The following DTNB variants were observed in gnomAD, a reference collection of about 807,000 sequenced individuals.
DTNB encodes the protein dystrobrevin beta.
DTNB carries 63 observed loss-of-function variants against 90.7 expected under a neutral mutation model. That is an observed-to-expected ratio of 0.69 (90% CI 0.57 to 0.86). The LOEUF (loss-of-function observed/expected upper bound fraction) is 0.86. Ranked by LOEUF, DTNB falls within the 40% of genes least tolerant of loss-of-function variation. The pLI is 0.00. For missense variants in DTNB, 744 were observed against 807.1 expected (o/e 0.92, Z 0.95); for synonymous variants, 277 against 286.7 (o/e 0.97, Z 0.34).
chr2:25,384,313 T>A (rs2038830769), intron 18 of DTNB, among the ~76,000 whole-genome samples: 2 of 152,104 alleles, frequency 1.3e-5, no homozygotes, highest in Admixed American at 6.5e-5. Context: ...AAAAAAAAAA[T>A]TCCGTATGTT....
chr2:25,440,774 T>A (rs1010055580), intron 12 of DTNB, among the ~76,000 whole-genome samples: 3 of 152,238 alleles, frequency 2.0e-5, no homozygotes, highest in Admixed American at 6.5e-5. Flanking sequence ...TTTGACACAT[T>A]TGCTTCATCT....
chr2:25,642,463 G>A (rs996460535), intron 2 of DTNB, among the ~76,000 whole-genome samples: 1 of 151,278 alleles, frequency 6.6e-6, no homozygotes, highest in African/African-American at 2.4e-5. Flanking sequence ...TGCCCAAGCT[G>A]GAATGCAGTG....
chr2:25,575,587 T>G (rs117237058), intron 8 of DTNB, among the ~76,000 whole-genome samples: 1 of 152,114 alleles, frequency 6.6e-6, no homozygotes, highest in Non-Finnish European at 1.5e-5. Context: ...TAGATGTGGG[T>G]TGAAGTTTGT....
intron 8 of DTNB, among the ~76,000 whole-genome samples, chr2:25,538,185 T>A (rs918182181): frequency 6.6e-6 from 1 of 152,034 alleles, no homozygotes; most frequent in African/African-American, 2.4e-5. Context: ...GAGTTCGTGA[T>A]CAGCCTGGGC....
intron 9 of DTNB, chr2:25,497,691 TG>T (rs1298884930): frequency 2.0e-5 from 3 of 152,224 alleles, no homozygotes; most frequent in African/African-American, 7.2e-5. Flanking sequence ...CAGGCTCTGA[TG>T]GATGTCTCTG....
At chr2:25,531,411 CAGG>C in intron 9 of DTNB, 59 bp downstream of exon 9, 1 of 1,561,114 alleles carries the variant, frequency 6.4e-7, no homozygotes, top group Non-Finnish European at 8.7e-7. Flanking sequence ...TTTTGATCCA[CAGG>C]AATTTCACAA....
In DTNB at chr2:25,388,324, TG is replaced by T; in HGVS notation, c.1612del (p.His538MetfsTer28). On this transcript the variant is annotated frameshift_variant, in exon 17 of 21. Coordinates refer to ENST00000406818, the MANE Select transcript of DTNB (RefSeq NM_021907.5). LOFTEE classifies it high-confidence loss of function. ...CATGGGCATTGGCCGGCCGCCTCCA[TG>T]GGTGGGCGATGTATGTGGTGACCCT... is the stretch of plus-strand genomic sequence containing the variant. Reference protein sequence around the residue: ...ATGSPHTSPTHGGGRPMPMPV... With the variant: ...ATGSPHTSPTXGGGRPMPMPV... 6.2e-7 allele frequency: 1 copy of T among 1,613,002 alleles called. No individual in the cohort carries two copies. The highest frequency in any genetic ancestry group is 8.5e-7 in the Non-Finnish European group (1 of 1,179,294).
intron 9 of DTNB, among the ~76,000 whole-genome samples, chr2:25,512,155 G>C (rs1433321295): frequency 6.6e-6 from 1 of 152,088 alleles, no homozygotes; most frequent in Non-Finnish European, 1.5e-5. Context: ...ACCTTATCTT[G>C]ACTTCCAGGA....
chr2:25,643,999 T>C (rs1431449696), intron 2 of DTNB, among the ~76,000 whole-genome samples: 15 of 152,174 alleles, frequency 9.9e-5, no homozygotes, highest in Admixed American at 9.8e-4. Context: ...CTCACTGCTA[T>C]ACTCCCACCA....
chr2:25,625,551 ATTTTTTTTTTTTT>A lies in DTNB; in HGVS notation c.362+2607_362+2619del, dbSNP rs66586812. ...ACCCCTTACTCTTCTTAACTCACTC[ATTTTTTTTTTTTT>A]TTTTTTTTTTTGCTAGTTATTTTCG... is the stretch of plus-strand genomic sequence containing the variant. On this transcript the variant is annotated intron_variant, in intron 4 of 20. Coordinates refer to ENST00000406818, the MANE Select transcript of DTNB (RefSeq NM_021907.5). Among the ~76,000 whole-genome samples the A allele has an allele frequency of 4.1e-5, 3 of 73,962 alleles. No homozygotes were observed. In the South Asian group the frequency reaches 1.7e-3, roughly 41 times the overall value. The allele number at this position is 73,962 out of a possible 152,430, so 48.5% of individuals were successfully genotyped here.
intron 5 of DTNB, 90 bp from the exon 6 acceptor site, chr2:25,596,330 G>A (rs2148407787): frequency 7.5e-7 from 1 of 1,331,438 alleles, no homozygotes; most frequent in Non-Finnish European, 1.0e-6. Flanking sequence ...CAAACAAAAA[G>A]TATCATTAAA....
chr2:25,440,189 AAC>A (rs2057049973), intron 12 of DTNB, among the ~76,000 whole-genome samples: 1 of 152,234 alleles, frequency 6.6e-6, no homozygotes, highest in Non-Finnish European at 1.5e-5. Context: ...TCCTGTGGAA[AAC>A]ACAGCTTGCG....
Position 25,607,270 on chromosome 2 carries a change from G to A in DTNB, c.414C>T (p.Thr138=). 4 of 1,607,396 alleles carry A rather than the reference G, an allele frequency of 2.5e-6. No homozygotes were observed. Among genetic ancestry groups the A allele is most frequent in the Non-Finnish European group, 3.4e-6 (4 of 1,176,810 alleles). ...TVFSVKAMLA[T]MCGGKMLDKL... ...TGTCCAGCATTTTTCCACCACACATGGTTGCTAACATAGCTTTAACTGAAA... is the reference window on the plus strand; with the variant it reads ...TGTCCAGCATTTTTCCACCACACATAGTTGCTAACATAGCTTTAACTGAAA... Residue 138 remains threonine (T), a synonymous_variant, in exon 5 of 21, where the codon ACC becomes ACT. Coordinates refer to ENST00000406818, the MANE Select transcript of DTNB (RefSeq NM_021907.5).
chr2:25,585,197 C>G (rs1362015907), intron 6 of DTNB, among the ~76,000 whole-genome samples: 1 of 152,072 alleles, frequency 6.6e-6, no homozygotes, highest in Non-Finnish European at 1.5e-5. Flanking sequence ...CTCTATTTCC[C>G]TCCAGATGTA....
chr2:25,397,939 A>G (rs976910826), intron 16 of DTNB, among the ~76,000 whole-genome samples: 1 of 151,924 alleles, frequency 6.6e-6, no homozygotes, highest in South Asian at 2.1e-4. Context: ...TCACTGTAAG[A>G]CAGATGGCCC....
intron 4 of DTNB, among the ~76,000 whole-genome samples, chr2:25,611,271 G>C (rs1448169776): frequency 6.6e-6 from 1 of 152,068 alleles, no homozygotes; most frequent in Non-Finnish European, 1.5e-5. Context: ...CGATGAGCAG[G>C]ACAAACAAAA....
chr2:25,602,572 C>T (rs960491034), intron 5 of DTNB, among the ~76,000 whole-genome samples: 1 of 152,176 alleles, frequency 6.6e-6, no homozygotes, highest in African/African-American at 2.4e-5. Flanking sequence ...CTTCTACAGT[C>T]TGCTAATGAA....
intron 15 of DTNB, among the ~76,000 whole-genome samples, chr2:25,419,793 G>A (rs567347534): frequency 2.4e-4 from 37 of 152,152 alleles, no homozygotes; most frequent in African/African-American, 8.2e-4. Context: ...AAACCACCTC[G>A]CCAACATTCT....
At chr2:25,525,035 TGAA>T (rs2076830135) in intron 9 of DTNB, among the ~76,000 whole-genome samples, 1 of 152,150 alleles carries the variant, frequency 6.6e-6, no homozygotes, top group Non-Finnish European at 1.5e-5. Context: ...TGTCCAGCAA[TGAA>T]GAATGAATTA....
Sources: gnomAD v4.1 joint callset for allele counts (sites outside exome capture counted in the v4.1 genomes callset) on GRCh38, gnomAD v4.1.1 for gene constraint, MANE v1.5 for transcripts, NCBI Gene and HGNC (gene_info 2026-07-23, HGNC 2026-07-21) for gene names.